The following ATP4A variants were observed in gnomAD, a reference collection of about 807,000 sequenced individuals.
ATP4A encodes the protein potassium-transporting ATPase alpha chain 1.
A neutral mutation model predicts 112.1 loss-of-function variants in ATP4A; 73 were observed. The observed-to-expected ratio is 0.65, with a 90% CI of 0.54 to 0.79. The LOEUF (loss-of-function observed/expected upper bound fraction) is 0.79, where lower values mean the gene tolerates loss of function less well. ATP4A is among the 30% of genes least tolerant of loss of function. The pLI, the probability that ATP4A is intolerant of heterozygous loss-of-function variation, is 0.00. For synonymous variants in ATP4A, 588 were observed against 588.9 expected, an observed-to-expected ratio of 1.00 and a Z score of 0.02; for missense variants, 1,081 against 1,425.9, an observed-to-expected ratio of 0.76 and a Z score of 3.90.
chr19:35,552,922 C>T lies in ATP4A; in HGVS notation c.2751+115G>A, dbSNP rs147706754. The stretch of plus-strand genomic sequence containing the variant: ...CGAACTGGCAGGGAGTCTGGGGGTC[C>T]GGGATGCTCTGGCTGAACTCAGTCA... On this transcript the variant is annotated intron_variant, in intron 18 of 21. Transcript: ENST00000262623. The T allele has an allele frequency of 8.3e-5, 113 of 1,358,872 alleles. No individual in the cohort carries two copies. In the African/African-American group the frequency reaches 1.2e-3, roughly 14 times the overall value. 84.2% of individuals were successfully genotyped at this position (1,358,872 alleles called of 1,614,324 possible).
At chr19:35,553,370 A>T (rs922961786) in intron 17 of ATP4A, among the ~76,000 whole-genome samples, 188 bp from the exon 18 acceptor site, 19 of 152,032 alleles carry the variant, frequency 1.2e-4, no homozygotes, top group African/African-American at 4.3e-4. Context: ...GGACACAGAA[A>T]CAGTGACAGA....
In ATP4A at chr19:35,555,192, G is replaced by T; in HGVS notation, c.2300C>A (p.Ala767Asp). ...ADMILLDDNF[A>D]SIVTGVEQGR... ...CTGCTCCACGCCTGTCACAATGGAG[G>T]CAAAGTTGTCATCCAGCAGGATCAT... The change falls in exon 15 of 22, where the codon GCC becomes GAC. Residue 767 changes from alanine (A) to aspartate (D), a missense_variant. This residue lies in a region of ATP4A where 850 missense variants were observed against 1,068.2 expected (regional missense o/e 0.80). Transcript: ENST00000262623. The surrounding 1 kb of genome is among the most constrained non-coding windows in gnomAD (Gnocchi z 6.6). 6.2e-7 allele frequency: 1 copy of T among 1,614,138 alleles called. No homozygotes were observed. Among genetic ancestry groups the T allele is most frequent in the Non-Finnish European group, 8.5e-7 (1 of 1,180,034 alleles).
chr19:35,550,880 G>A lies in ATP4A; in HGVS notation c.3033C>T (p.Phe1011=), dbSNP rs896980014. ...LVPLPYGILI[F]VYDEIRKLGV... ...CAAGCTTCCGGATCTCATCATAGAC[G>A]AAGATGAGGATGCCGTAGGGCAGGG... is the stretch of plus-strand genomic sequence containing the variant. The change falls in exon 21 of 22, where the codon TTC becomes TTT. Residue 1011 remains phenylalanine (F), a synonymous_variant. Coordinates refer to ENST00000262623, the MANE Select transcript of ATP4A (RefSeq NM_000704.3). This position sits in a 1 kb window ranked among gnomAD's most constrained non-coding sequence, Gnocchi z 4.1. 1.1e-5 allele frequency: 18 copies of A among 1,614,206 alleles called. No individual in the cohort carries two copies. The highest frequency in any genetic ancestry group is 1.7e-5 in the Admixed American group (1 of 60,028).
rs774442957 is a variant in ATP4A at position 35,558,319 on chromosome 19, C to T, written c.1500+43G>A. On this transcript the variant is annotated intron_variant, in intron 10 of 21. Coordinates refer to ENST00000262623, the MANE Select transcript of ATP4A (RefSeq NM_000704.3). The surrounding 1 kb of genome is among the most constrained non-coding windows in gnomAD (Gnocchi z 5.1). ...TGTGGGTGTGGCCTGGGGCGGGGCC[C>T]GAGGTGGGCGGGCCCAGGCCGTGGG... is the stretch of plus-strand genomic sequence containing the variant. The T allele has an allele frequency of 3.8e-6, 6 of 1,573,796 alleles. No individual in the cohort carries two copies. The highest frequency in any genetic ancestry group is 2.3e-5 in the South Asian group (2 of 86,590).
At position 35,555,422 on chromosome 19, in the gene ATP4A, C is replaced by T. The variant is rs752389040; in HGVS notation, c.2157+18G>A. ...CCGCCTGTCTGCCCGCCTGCCCACCCTCATCAGCAGGGCTCACCAGCCGCT... is the reference window on the plus strand; with the variant it reads ...CCGCCTGTCTGCCCGCCTGCCCACCTTCATCAGCAGGGCTCACCAGCCGCT... On this transcript the variant is annotated intron_variant, in intron 14 of 21. Transcript: ENST00000262623. This position sits in a 1 kb window ranked among gnomAD's most constrained non-coding sequence, Gnocchi z 6.6. The T allele has an allele frequency of 1.9e-6, 3 of 1,609,490 alleles. No homozygotes were observed. In the Admixed American group the frequency reaches 5.0e-5, roughly 27 times the overall value.
Position 35,559,820 on chromosome 19 carries a change from C to T in ATP4A, c.1041G>A (p.Leu347=). The change falls in exon 7 of 22, where the codon CTG becomes CTA. Residue 347 remains leucine (L), a synonymous_variant. Transcript: ENST00000262623. This position sits in a 1 kb window ranked among gnomAD's most constrained non-coding sequence, Gnocchi z 4.1. ...AIVVAYVPEG[L]LATVTVCLSL... is the part of the protein sequence containing the mutation. ...CCCCACTCACTGTGACAGTGGCCAG[C>T]AGCCCCTCAGGCACATAGGCCACCA... 2 of 1,614,024 alleles carry T rather than the reference C, an allele frequency of 1.2e-6. No homozygotes were observed. Among genetic ancestry groups the T allele is most frequent in the East Asian group, 2.2e-5 (1 of 44,882 alleles).
chr19:35,561,148 T>C (rs2071668631), intron 4 of ATP4A, among the ~76,000 whole-genome samples: 1 of 152,068 alleles, frequency 6.6e-6, no homozygotes, highest in African/African-American at 2.4e-5. Flanking sequence ...TGTCTTGTGT[T>C]TCTGTGTATA....
chr19:35,552,937 G>A, intron 18 of ATP4A, 100 bp downstream of exon 18: 3 of 1,432,908 alleles, frequency 2.1e-6, no homozygotes, highest in Non-Finnish European at 2.8e-6. Flanking sequence ...TGCTCTGGCT[G>A]AACTCAGTCA....
In ATP4A at chr19:35,560,163, A is replaced by G. The variant is rs2071660133; in HGVS notation, c.788-90T>C. 1 of 1,555,538 alleles carries G rather than the reference A, an allele frequency of 6.4e-7. No homozygotes were observed. Among genetic ancestry groups the G allele is most frequent in the African/African-American group, 1.4e-5 (1 of 73,992 alleles). Reference sequence around the variant, plus strand: ...AGCTGAAGGACAGCCAGTCACTGCCAGTGGAGGATGTGACCTGGGAGAGGG... The same window carrying G: ...AGCTGAAGGACAGCCAGTCACTGCCGGTGGAGGATGTGACCTGGGAGAGGG... On this transcript the variant is annotated intron_variant, in intron 6 of 21. Transcript: ENST00000262623. This position sits in a 1 kb window ranked among gnomAD's most constrained non-coding sequence, Gnocchi z 5.1.
In ATP4A at chr19:35,559,159, GGCCAGGC is replaced by G; in HGVS notation, c.1082_1088del (p.Arg361ProfsTer21). ...GGTTCTTGACCACGCAGTTCTTACT[GGCCAGGC>G]GCTTGGCTGTCAGGGACAGGCAGAC... On this transcript the variant is annotated frameshift_variant, in exon 8 of 22. Transcript: ENST00000262623. LOFTEE classifies it high-confidence loss of function. The surrounding 1 kb of genome is among the most constrained non-coding windows in gnomAD (Gnocchi z 4.1). The G allele has an allele frequency of 6.2e-7, 1 of 1,614,150 alleles. No homozygotes were observed. Among genetic ancestry groups the G allele is most frequent in the South Asian group, 1.1e-5 (1 of 91,082 alleles).
chr19:35,557,648 G>C lies in ATP4A; in HGVS notation c.1693+7C>G, dbSNP rs1403996877. ...CTGGAGTCTCCTCCCCTGCCCAGGG[G>C]TCTCACCGAGCACGCGTTCGCCCAG... On this transcript the variant is annotated splice_region_variant and intron_variant, in intron 11 of 21. Transcript: ENST00000262623. This position sits in a 1 kb window ranked among gnomAD's most constrained non-coding sequence, Gnocchi z 4.4. 2 of 1,602,546 alleles carry C rather than the reference G, an allele frequency of 1.2e-6. No individual in the cohort carries two copies. Among genetic ancestry groups the C allele is most frequent in the African/African-American group, 2.7e-5 (2 of 74,738 alleles).
In ATP4A at chr19:35,563,432, A is replaced by G. The variant is rs1599576360; in HGVS notation, c.108T>C (p.Gly36=). 1 of 1,569,992 alleles carries G rather than the reference A, an allele frequency of 6.4e-7. No homozygotes were observed. Among genetic ancestry groups the G allele is most frequent in the Non-Finnish European group, 8.6e-7 (1 of 1,159,902 alleles). ...MSKKKKAGGG[G]GKRKEKLENM... The stretch of plus-strand genomic sequence containing the variant: ...TCTCCAGCTTCTCCTTCCTCTTGCC[A>G]CCCCCGCCACCCGCCTTCTTCTTCT... Residue 36 remains glycine (G), a synonymous_variant, in exon 2 of 22, where the codon GGT becomes GGC. Coordinates refer to ENST00000262623, the MANE Select transcript of ATP4A (RefSeq NM_000704.3).
rs1405351490 is a variant in ATP4A at position 35,555,019 on chromosome 19, A to C, written c.2384T>G (p.Ile795Ser). 11 of 1,613,956 alleles carry C rather than the reference A, an allele frequency of 6.8e-6. No homozygotes were observed. Among genetic ancestry groups the C allele is most frequent in the Non-Finnish European group, 9.3e-6 (11 of 1,179,984 alleles). The change falls in exon 16 of 22, where the codon ATC becomes AGC. Residue 795 changes from isoleucine to serine, a missense_variant. Around this residue, in one of 3 missense-constraint regions of ATP4A, gnomAD observed 12 missense variants for 36.8 expected, o/e 0.33. Transcript: ENST00000262623. This position sits in a 1 kb window ranked among gnomAD's most constrained non-coding sequence, Gnocchi z 6.6. ...GATGAGGTAGGGTGTCAGCTCTGGG[A>C]TGTTCTTGGTCAATGTGTAGGCAAT... ...KSIAYTLTKN[I>S]PELTPYLIYI... is the part of the protein sequence containing the mutation.
rs1291351176 is a variant in ATP4A at position 35,555,373 on chromosome 19, T to C, written c.2158-39A>G. 1 of 1,599,940 alleles carries C rather than the reference T, an allele frequency of 6.3e-7. No individual in the cohort carries two copies. Among genetic ancestry groups the C allele is most frequent in the Non-Finnish European group, 8.5e-7 (1 of 1,171,754 alleles). ...GTGCAGGTGGTGGGTGGGTGGTCAGTGAGAGGCCGGTCCAAGACCAGCCCC... is the reference window on the plus strand; with the variant it reads ...GTGCAGGTGGTGGGTGGGTGGTCAGCGAGAGGCCGGTCCAAGACCAGCCCC... On this transcript the variant is annotated intron_variant, in intron 14 of 21. Coordinates refer to ENST00000262623, the MANE Select transcript of ATP4A (RefSeq NM_000704.3). This position sits in a 1 kb window ranked among gnomAD's most constrained non-coding sequence, Gnocchi z 6.6.
rs1459030317 is a variant in ATP4A at position 35,553,100 on chromosome 19, C to T, written c.2688G>A (p.Gly896=). The change falls in exon 18 of 22, where the codon GGG becomes GGA. Residue 896 remains glycine (G), a synonymous_variant. Transcript: ENST00000262623. ...QEGWFPLLCV[G]LRAQWEDHHL... is the part of the protein sequence containing the mutation. ...GGTGGTCCTCCCACTGCGCCCGCAG[C>T]CCCACGCACAGCAGTGGGAACCAGC... 2.5e-6 allele frequency: 4 copies of T among 1,611,630 alleles called. No homozygotes were observed. Among genetic ancestry groups the T allele is most frequent in the African/African-American group, 1.3e-5 (1 of 74,902 alleles).
chr19:35,558,261 G>A lies in ATP4A; in HGVS notation c.1500+101C>T. The A allele has an allele frequency of 5.0e-6, 7 of 1,413,622 alleles. No individual in the cohort carries two copies. Among genetic ancestry groups the A allele is most frequent in the Non-Finnish European group, 6.6e-6 (7 of 1,059,048 alleles). 87.6% of individuals were successfully genotyped at this position (1,413,622 alleles called of 1,614,324 possible). A position where few individuals can be genotyped will look rare whatever the true frequency, so the allele number is the denominator to read the frequency against. ...GGTGGGGTTTGGCTGCGGAGAGAAG[G>A]GGCAAGGAGCGAAGCCCCTCGTGGC... On this transcript the variant is annotated intron_variant, in intron 10 of 21. Transcript: ENST00000262623. This position sits in a 1 kb window ranked among gnomAD's most constrained non-coding sequence, Gnocchi z 5.1.
Position 35,555,528 on chromosome 19 carries a change from A to G in ATP4A, c.2069T>C (p.Val690Ala). 1.2e-6 allele frequency: 2 copies of G among 1,603,516 alleles called. No individual in the cohort carries two copies. Among genetic ancestry groups the G allele is most frequent in the Non-Finnish European group, 1.7e-6 (2 of 1,173,138 alleles). The change falls in exon 14 of 22, where the codon GTC becomes GCC. Residue 690 changes from valine (V) to alanine (A), a missense_variant. By Grantham distance (64) the Val-to-Ala change is moderately conservative (BLOSUM62 0). This residue lies in a region of ATP4A where 850 missense variants were observed against 1,068.2 expected (regional missense o/e 0.80). Transcript: ENST00000262623. The surrounding 1 kb of genome is among the most constrained non-coding windows in gnomAD (Gnocchi z 6.6). ...CTCGGGGTGGGTGCGCAGGGCCTCG[A>G]CCAGTTCCGATGGGTCCATGTCCTT... ...QLKDMDPSEL[V>A]EALRTHPEMV...
In ATP4A at chr19:35,557,605, G is replaced by A; in HGVS notation, c.1693+50C>T. ...GCCGGGAGTGGTGGGCAGGGTCTGT[G>A]CTAGCTCCTCCTCGCACCTGGAGTC... On this transcript the variant is annotated intron_variant, in intron 11 of 21. Transcript: ENST00000262623. This position sits in a 1 kb window ranked among gnomAD's most constrained non-coding sequence, Gnocchi z 4.4. The A allele has an allele frequency of 6.5e-7, 1 of 1,548,526 alleles. No homozygotes were observed. The highest frequency in any genetic ancestry group is 8.7e-7 in the Non-Finnish European group (1 of 1,144,928).
chr19:35,550,261 G>T lies in ATP4A; in HGVS notation c.*354C>A. The T allele has an allele frequency of 3.0e-6, 1 of 329,456 alleles. No homozygotes were observed. The allele number at this position is 329,456 out of a possible 1,614,324, so 20.4% of individuals were successfully genotyped here. ...GACACAAGCGTGTCTTTAACGAAGG[G>T]CCCTCAGGCAGCCGTCCAGCCTGGA... is the stretch of plus-strand genomic sequence containing the variant. On this transcript the variant is annotated 3_prime_UTR_variant, in exon 22 of 22. Transcript: ENST00000262623. The surrounding 1 kb of genome is among the most constrained non-coding windows in gnomAD (Gnocchi z 4.1).
Sources: gnomAD v4.1 joint callset for allele counts (sites outside exome capture counted in the v4.1 genomes callset) on GRCh38, gnomAD v4.1.1 for gene constraint, gnomAD v4.1.1 regional missense constraint, Gnocchi (gnomAD v3.1) non-coding constraint, MANE v1.5 for transcripts, NCBI Gene and HGNC (gene_info 2026-07-23, HGNC 2026-07-21) for gene names.